SATL1: variants seen among roughly 807,000 people sequenced by gnomAD.
SATL1 encodes the protein spermidine/spermine N(1)-acetyltransferase-like protein 1.
SATL1 carries 47 observed loss-of-function variants against 51.8 expected under a neutral mutation model. The observed-to-expected ratio is 0.91, with a 90% CI of 0.72 to 1.16. The LOEUF is 1.16. Among genes scored for constraint, SATL1 ranks in the 50% most tolerant of loss-of-function variants. The pLI is 0.00. For missense variants in SATL1, 520 were observed against 526.4 expected (o/e 0.99, Z 0.12); for synonymous variants, 176 against 182.4 (o/e 0.97, Z 0.28).
intron 1 of SATL1, among the ~76,000 whole-genome samples, chrX:85,228,294 C>T (rs1602927619): frequency 9.0e-6 from 1 of 111,109 alleles, no homozygotes; most frequent in Admixed American, 9.6e-5. Flanking sequence ...AGAACACATA[C>T]CTTCTCCCTA....
intron 2 of SATL1, among the ~76,000 whole-genome samples, chrX:85,126,980 A>G (rs181045470): frequency 3.6e-5 from 4 of 111,064 alleles, no homozygotes; most frequent in African/African-American, 1.3e-4. Context: ...CTCAGGGAAT[A>G]TTTTAATTTA....
chrX:85,178,624 AC>A (rs1357405718), intron 2 of SATL1, among the ~76,000 whole-genome samples: 2 of 105,661 alleles, frequency 1.9e-5, no homozygotes, highest in Non-Finnish European at 3.8e-5. Context: ...AAAAAAAAAA[AC>A]AAAAACAAAC....
chrX:85,125,363 G>A (rs1239870505), intron 2 of SATL1, among the ~76,000 whole-genome samples: 2 of 111,379 alleles, frequency 1.8e-5, no homozygotes, highest in Non-Finnish European at 3.8e-5. Context: ...TAGTTTTAAC[G>A]TGGAAATGTG....
intron 4 of SATL1, among the ~76,000 whole-genome samples, chrX:85,098,407 A>G (rs946037869): frequency 8.9e-6 from 1 of 111,839 alleles, no homozygotes; most frequent in Non-Finnish European, 1.9e-5. Flanking sequence ...AGTAATATAT[A>G]GGACAACCAG....
intron 1 of SATL1, among the ~76,000 whole-genome samples, chrX:85,228,873 T>C (rs939531929): frequency 4.5e-5 from 5 of 111,663 alleles, no homozygotes; most frequent in African/African-American, 1.6e-4. Flanking sequence ...AAATTTTGTA[T>C]TTCAATCCTG....
intron 2 of SATL1, among the ~76,000 whole-genome samples, chrX:85,140,205 G>A (rs919898869): frequency 2.7e-5 from 3 of 111,894 alleles, no homozygotes; most frequent in African/African-American, 6.5e-5. Flanking sequence ...CTAAAATTGT[G>A]TCATGTCCTG....
intron 2 of SATL1, chrX:85,208,949 G>A (rs1405926555): frequency 3.6e-5 from 4 of 112,123 alleles, no homozygotes; most frequent in African/African-American, 1.3e-4. Flanking sequence ...TGCTATTGGT[G>A]TTTTAGTCAT....
intron 2 of SATL1, among the ~76,000 whole-genome samples, chrX:85,113,605 C>T (rs1311376814): frequency 8.9e-6 from 1 of 111,973 alleles, no homozygotes; most frequent in Non-Finnish European, 1.9e-5. Flanking sequence ...CATAATTTTT[C>T]TGTCTCCAGT....
At chrX:85,238,284 C>T (rs1260212634) in intron 1 of SATL1, among the ~76,000 whole-genome samples, 1 of 111,384 alleles carries the variant, frequency 9.0e-6, no homozygotes, top group Non-Finnish European at 1.9e-5. Context: ...GTACTGCTCA[C>T]AATAGCCAAG....
intron 2 of SATL1, among the ~76,000 whole-genome samples, chrX:85,159,866 A>G (rs1456805815): frequency 9.0e-6 from 1 of 111,188 alleles, no homozygotes; most frequent in East Asian, 2.8e-4. Flanking sequence ...TGCTGCTGGG[A>G]CATGTGAACA....
At chrX:85,182,783 C>T (rs1927234549) in intron 2 of SATL1, among the ~76,000 whole-genome samples, 2 of 111,514 alleles carry the variant, frequency 1.8e-5, no homozygotes, top group Admixed American at 1.9e-4. Flanking sequence ...TGCATCTTAA[C>T]CAGGGTGAGA....
intron 2 of SATL1, among the ~76,000 whole-genome samples, chrX:85,180,016 T>C (rs999848412): frequency 6.3e-5 from 7 of 110,704 alleles, no homozygotes; most frequent in Admixed American, 5.8e-4. Flanking sequence ...ATCCTCACAA[T>C]ATCCTCAAAA....
chrX:85,194,558 C>A (rs1030086333), intron 2 of SATL1, among the ~76,000 whole-genome samples: 4 of 110,866 alleles, frequency 3.6e-5, no homozygotes, highest in African/African-American at 1.3e-4. Flanking sequence ...TTTGGTAATA[C>A]CACTCACTAT....
chrX:85,189,029 G>A (rs761264594), intron 2 of SATL1, among the ~76,000 whole-genome samples: 6 of 112,216 alleles, frequency 5.3e-5, no homozygotes, highest in Admixed American at 4.7e-4. Context: ...CACCCATACA[G>A]AAGTATAATT....
At chrX:85,170,351 G>T (rs1926946659) in intron 2 of SATL1, among the ~76,000 whole-genome samples, 1 of 111,439 alleles carries the variant, frequency 9.0e-6, no homozygotes, top group African/African-American at 3.2e-5. Flanking sequence ...CTCAGTAATT[G>T]AACAGGAATA....
chrX:85,243,288 A>C (rs1233383443), intron 1 of SATL1, among the ~76,000 whole-genome samples: 1 of 112,659 alleles, frequency 8.9e-6, no homozygotes, highest in Non-Finnish European at 1.9e-5. Flanking sequence ...CTCTTTGCTT[A>C]CGCAATCTAG....
At chrX:85,188,706 G>T (rs1272311456) in intron 2 of SATL1, among the ~76,000 whole-genome samples, 1 of 111,501 alleles carries the variant, frequency 9.0e-6, no homozygotes, top group African/African-American at 3.3e-5. Context: ...TAAAATATTT[G>T]CAAAAAATAT....
chrX:85,198,186 A>T (rs932615498), intron 2 of SATL1, among the ~76,000 whole-genome samples: 65 of 112,046 alleles, frequency 5.8e-4, no homozygotes, highest in Middle Eastern at 9.1e-3. Context: ...ATGGCTAAAT[A>T]GTATTCCATT....
chrX:85,137,006 G>T (rs769037829), intron 2 of SATL1, among the ~76,000 whole-genome samples: 3 of 111,613 alleles, frequency 2.7e-5, no homozygotes, highest in Non-Finnish European at 5.6e-5. Flanking sequence ...CTGGGAAGGA[G>T]CCAACAGAAA....
Sources: allele counts gnomAD v4.1 joint callset (sites outside exome capture counted in the v4.1 genomes callset), GRCh38; gene constraint gnomAD v4.1.1; transcripts MANE v1.5; gene names NCBI Gene and HGNC (gene_info 2026-07-23, HGNC 2026-07-21).